Variants in GALNT13 observed in about 807,000 individuals in gnomAD.
GALNT13 encodes UDP-GalNAc:polypeptide N-acetylgalactosaminyltransferase 13.
GALNT13 carries 28 observed loss-of-function variants against 64.2 expected under a neutral mutation model. The observed-to-expected ratio is 0.44, with a 90% CI of 0.32 to 0.60. The LOEUF is 0.60. GALNT13 is among the 20% of genes least tolerant of loss of function. The pLI is 0.05. For synonymous variants in GALNT13, 214 were observed against 224.6 expected (o/e 0.95, Z 0.42); for missense variants, 577 against 669.8 (o/e 0.86, Z 1.53).
the GALNT13 span, among the ~76,000 whole-genome samples, chr2:153,619,412 A>G: frequency 6.6e-6 from 1 of 152,094 alleles, no homozygotes. Flanking sequence ...TGGTTCATCA[A>G]TTAGTCTTTC....
chr2:154,082,053 G>A (rs1302298995), intron 3 of GALNT13, among the ~76,000 whole-genome samples: 1 of 151,608 alleles, frequency 6.6e-6, no homozygotes, highest in Non-Finnish European at 1.5e-5. Flanking sequence ...GATTCCCTAG[G>A]TACATAACCC....
intron 9 of GALNT13, among the ~76,000 whole-genome samples, chr2:154,338,312 G>T (rs1230512351): frequency 1.8e-4 from 28 of 152,006 alleles, no homozygotes; most frequent in Admixed American, 1.8e-3. Flanking sequence ...TAAAATCTTA[G>T]TCAACTTTAT....
chr2:154,131,840 A>T (rs2105549635), intron 3 of GALNT13, among the ~76,000 whole-genome samples: 1 of 152,330 alleles, frequency 6.6e-6, no homozygotes. Flanking sequence ...CCTCAAAAGT[A>T]GGGAAGCCAA....
chr2:154,221,649 A>G (rs1322906156), intron 4 of GALNT13, among the ~76,000 whole-genome samples: 1 of 152,076 alleles, frequency 6.6e-6, no homozygotes, highest in Non-Finnish European at 1.5e-5. Context: ...TCCAAAGACA[A>G]CTTGTTCCTT....
At chr2:153,768,009 C>T in the GALNT13 span, among the ~76,000 whole-genome samples, 3 of 152,140 alleles carry the variant, frequency 2.0e-5, no homozygotes, top group African/African-American at 7.2e-5. Context: ...AGGGTGTCAT[C>T]ATAAATTTTT....
intron 9 of GALNT13, among the ~76,000 whole-genome samples, chr2:154,378,065 C>T (rs1049780077): frequency 6.6e-6 from 1 of 152,090 alleles, no homozygotes; most frequent in African/African-American, 2.4e-5. Flanking sequence ...TGCCCCCAAC[C>T]TCATATACGC....
chr2:153,519,575 G>T, the GALNT13 span, among the ~76,000 whole-genome samples: 1 of 152,088 alleles, frequency 6.6e-6, no homozygotes. Flanking sequence ...TAAATGTAGG[G>T]TTTATTTAGA....
At chr2:154,219,087 A>G (rs1222270648) in intron 4 of GALNT13, among the ~76,000 whole-genome samples, 1 of 152,092 alleles carries the variant, frequency 6.6e-6, no homozygotes, top group Non-Finnish European at 1.5e-5. Flanking sequence ...AATCACCAAG[A>G]ATCTAATATC....
intron 12 of GALNT13, among the ~76,000 whole-genome samples, chr2:154,444,717 A>G (rs567647481): frequency 1.2e-3 from 182 of 152,254 alleles, no homozygotes; most frequent in African/African-American, 4.0e-3. Context: ...GCCATGTGTT[A>G]TTAATAATGA....
chr2:154,359,009 G>A (rs1372478031), intron 9 of GALNT13, among the ~76,000 whole-genome samples: 1 of 152,130 alleles, frequency 6.6e-6, no homozygotes, highest in Non-Finnish European at 1.5e-5. Context: ...GTTCGGTTAT[G>A]CTGGGAGGCA....
At chr2:154,141,444 A>G (rs919157857) in intron 4 of GALNT13, among the ~76,000 whole-genome samples, 7 of 152,054 alleles carry the variant, frequency 4.6e-5, no homozygotes, top group African/African-American at 1.4e-4. Flanking sequence ...TCCTTATTCT[A>G]TTAGTTTTTT....
At chr2:153,397,435 G>A in the GALNT13 span, among the ~76,000 whole-genome samples, 1 of 152,138 alleles carries the variant, frequency 6.6e-6, no homozygotes, top group Admixed American at 6.6e-5. Flanking sequence ...GTATTCACTG[G>A]TGCACTGACT....
At chr2:153,830,178 G>T in the GALNT13 span, among the ~76,000 whole-genome samples, 1 of 142,504 alleles carries the variant, frequency 7.0e-6, no homozygotes, top group East Asian at 1.9e-4. Context: ...AAGTTTCCAA[G>T]TTTGTCAGAT....
chr2:153,673,837 T>G, the GALNT13 span, among the ~76,000 whole-genome samples: 1 of 152,190 alleles, frequency 6.6e-6, no homozygotes, highest in Non-Finnish European at 1.5e-5. Context: ...CTCAAGCTGA[T>G]AAGCAACTTC....
chr2:153,494,374 C>A, the GALNT13 span, among the ~76,000 whole-genome samples: 1 of 151,866 alleles, frequency 6.6e-6, no homozygotes, highest in East Asian at 1.9e-4. Flanking sequence ...GGTGGACATG[C>A]ACTATTTTAA....
chr2:154,125,946 A>G (rs904150908), intron 3 of GALNT13, among the ~76,000 whole-genome samples: 5 of 152,276 alleles, frequency 3.3e-5, no homozygotes, highest in African/African-American at 7.2e-5. Context: ...GGTACAATCT[A>G]CCTTCTGTAA....
chr2:154,105,700 A>G (rs537307666), intron 3 of GALNT13, among the ~76,000 whole-genome samples: 1 of 152,338 alleles, frequency 6.6e-6, no homozygotes, highest in South Asian at 2.1e-4. Flanking sequence ...ACAACATTAG[A>G]GAATCAAGAC....
chr2:153,742,950 G>C, the GALNT13 span, among the ~76,000 whole-genome samples: 1 of 139,468 alleles, frequency 7.2e-6, no homozygotes, highest in Admixed American at 7.2e-5. Context: ...GAGGGGAGGT[G>C]AGAGGAGCGG....
chr2:153,949,478 C>A, intron 3 of GALNT13, among the ~76,000 whole-genome samples: 1 of 150,370 alleles, frequency 6.7e-6, no homozygotes. Flanking sequence ...GAGTTTGAGT[C>A]CAGGCTGGGC....
Sources: gnomAD v4.1 joint callset for allele counts (sites outside exome capture counted in the v4.1 genomes callset) on GRCh38, gnomAD v4.1.1 for gene constraint, MANE v1.5 for transcripts, NCBI Gene and HGNC (gene_info 2026-07-23, HGNC 2026-07-21) for gene names.